Variants in ALK observed in about 807,000 individuals in gnomAD.
ALK encodes ALK receptor tyrosine kinase.
A neutral mutation model predicts 163.1 loss-of-function variants in ALK; 74 were observed. That is an observed-to-expected ratio of 0.45 (90% CI 0.38 to 0.55). The LOEUF (loss-of-function observed/expected upper bound fraction) is 0.55, where lower values mean the gene tolerates loss of function less well. ALK is among the 20% of genes least tolerant of loss of function. ALK has a pLI of 0.00. For synonymous variants in ALK, 960 were observed against 843.2 expected, an observed-to-expected ratio of 1.14 and a Z score of -2.40; for missense variants, 2,063 against 2,105.3, an observed-to-expected ratio of 0.98 and a Z score of 0.39.
rs199646095 is a variant in ALK, at chr2:29,193,441, C to A, written c.4646G>T (p.Arg1549Ile). The change falls in exon 29 of 29, where the codon AGA (arginine) becomes ATA (isoleucine). Residue 1549 changes from arginine (R) to isoleucine (I), a missense_variant. Arg to Ile is a moderately conservative substitution (Grantham distance 97). Transcript: ENST00000389048. ...TAGGAGCAGTGAGGCCCCCGGAAGTCTCCCAGTTGCAACGTTAGGTGGGAC... is the reference window on the plus strand; with the variant it reads ...TAGGAGCAGTGAGGCCCCCGGAAGTATCCCAGTTGCAACGTTAGGTGGGAC... The part of the protein sequence containing the change: ...CTVPPNVATG[R>I]LPGASLLLEP... 68 of 1,614,216 alleles carry A rather than the reference C, an allele frequency of 4.2e-5. No homozygotes were observed. In the Admixed American group the frequency reaches 5.7e-4, roughly 13 times the overall value.
intron 9 of ALK, among the ~76,000 whole-genome samples, chr2:29,282,932 T>C (rs1248488374): frequency 6.6e-6 from 1 of 152,222 alleles, no homozygotes. Context: ...CCACAGCAGA[T>C]GGAGACCCAT....
At chr2:29,355,258 T>G (rs1270975889) in intron 5 of ALK, among the ~76,000 whole-genome samples, 1 of 152,216 alleles carries the variant, frequency 6.6e-6, no homozygotes, top group Admixed American at 6.5e-5. Flanking sequence ...GAAGAAGGCA[T>G]GGTGGGCATC....
At chr2:29,261,613 G>T (rs72852073) in intron 11 of ALK, among the ~76,000 whole-genome samples, 4 of 152,064 alleles carry the variant, frequency 2.6e-5, no homozygotes, top group Non-Finnish European at 5.9e-5. Context: ...AGAACCTGCC[G>T]TTTCATTATG....
intron 1 of ALK, among the ~76,000 whole-genome samples, chr2:29,882,499 G>T (rs1666891240): frequency 6.6e-6 from 1 of 152,152 alleles, no homozygotes; most frequent in African/African-American, 2.4e-5. Context: ...ATCAAGACCA[G>T]CCTGGCCAAC....
intron 1 of ALK, among the ~76,000 whole-genome samples, chr2:29,916,443 G>T (rs1327928729): frequency 6.6e-6 from 1 of 152,060 alleles, no homozygotes; most frequent in Non-Finnish European, 1.5e-5. Context: ...TGTTAAATCA[G>T]CTCTCTGCTC....
In ALK at chr2:29,862,385, A is replaced by G. The variant is rs181358384; in HGVS notation, c.667+57608T>C. Among the ~76,000 whole-genome samples, 834 of 152,332 alleles carry G rather than the reference A, an allele frequency of 5.5e-3. 4 individuals are homozygous for G. Among genetic ancestry groups the G allele is most frequent in the Non-Finnish European group, 7.7e-3 (524 of 68,008 alleles). On this transcript the variant is annotated intron_variant, in intron 1 of 28. Transcript: ENST00000389048. ...ACTGTTGCAGATGACATCATCTGACATATGAAAACCCTAAAGATTCCACCA... is the reference window on the plus strand; with the variant it reads ...ACTGTTGCAGATGACATCATCTGACGTATGAAAACCCTAAAGATTCCACCA...
intron 1 of ALK, among the ~76,000 whole-genome samples, chr2:29,897,112 G>A (rs1667290998): frequency 6.6e-6 from 1 of 152,176 alleles, no homozygotes; most frequent in Non-Finnish European, 1.5e-5. Context: ...TTGAGGTCAA[G>A]AGTTCAAGAC....
chr2:29,384,235 T>C (rs1403143314), intron 4 of ALK, among the ~76,000 whole-genome samples: 1 of 152,204 alleles, frequency 6.6e-6, no homozygotes, highest in Non-Finnish European at 1.5e-5. Context: ...CTTCAAAACA[T>C]GTATCACTCT....
In ALK at chr2:29,328,381, A is replaced by G; in HGVS notation, c.1383T>C (p.Cys461=). 1 of 1,614,166 alleles carries G rather than the reference A, an allele frequency of 6.2e-7. No homozygotes were observed. Among genetic ancestry groups the G allele is most frequent in the Non-Finnish European group, 8.5e-7 (1 of 1,180,008 alleles). ...LGQACDFHQD[C]AQGEDESQMC... is the part of the protein sequence containing the mutation. ...TCTGGCTCTCATCTTCTCCCTGGGC[A>G]CAGTCCTGGTGGAAGTCACAGGCCT... Residue 461 remains cysteine (C), a synonymous_variant, in exon 6 of 29, where the codon TGT becomes TGC. Transcript: ENST00000389048.
rs936083545 is a variant in ALK at position 29,706,649 on chromosome 2, G to A, written c.787+10929C>T. ...CTCAGAGGGCAGTGTGTGTGCGCAC[G>A]TGCACATGTGCACACTGCAGTGGGA... On this transcript the variant is annotated intron_variant, in intron 2 of 28. Transcript: ENST00000389048. 3.3e-5 allele frequency among the ~76,000 whole-genome samples: 5 copies of A among 152,180 alleles called. No individual in the cohort carries two copies. In the East Asian group the frequency reaches 7.7e-4, roughly 23 times the overall value.
intron 10 of ALK, 58 bp from the exon 11 acceptor site, chr2:29,275,285 G>C: frequency 6.2e-7 from 1 of 1,612,020 alleles, no homozygotes; most frequent in East Asian, 2.2e-5. Flanking sequence ...CAGGGTGAGA[G>C]ATGATTTCAC....
intron 1 of ALK, among the ~76,000 whole-genome samples, chr2:29,788,889 T>C (rs1408035955): frequency 6.6e-6 from 1 of 152,208 alleles, no homozygotes; most frequent in African/African-American, 2.4e-5. Flanking sequence ...CCAATGTCAC[T>C]TTCTATATTG....
intron 1 of ALK, among the ~76,000 whole-genome samples, chr2:29,860,796 A>G (rs978279772): frequency 6.6e-6 from 1 of 152,246 alleles, no homozygotes; most frequent in Non-Finnish European, 1.5e-5. Flanking sequence ...AGAAATCAAA[A>G]GGGAAATTTA....
At chr2:29,553,870 T>C (rs943903325) in intron 3 of ALK, among the ~76,000 whole-genome samples, 1 of 151,964 alleles carries the variant, frequency 6.6e-6, no homozygotes, top group Non-Finnish European at 1.5e-5. Flanking sequence ...GAATTGTCTG[T>C]TTTTTTTGTT....
At chr2:29,360,821 T>C (rs1668369082) in intron 5 of ALK, among the ~76,000 whole-genome samples, 1 of 152,232 alleles carries the variant, frequency 6.6e-6, no homozygotes, top group Non-Finnish European at 1.5e-5. Context: ...TTGGTATTTA[T>C]CTATGAGGTT....
chr2:29,580,564 T>C (rs1674656931), intron 3 of ALK, among the ~76,000 whole-genome samples: 1 of 152,200 alleles, frequency 6.6e-6, no homozygotes, highest in African/African-American at 2.4e-5. Flanking sequence ...AGAGCCCCGT[T>C]ATTACAGTCC....
chr2:29,634,056 G>C (rs915333435), intron 3 of ALK, among the ~76,000 whole-genome samples: 8 of 151,818 alleles, frequency 5.3e-5, no homozygotes, highest in African/African-American at 1.9e-4. Flanking sequence ...ATATTTTAGA[G>C]AAAGAGTCTC....
intron 4 of ALK, among the ~76,000 whole-genome samples, chr2:29,479,156 C>G (rs1184266281): frequency 6.6e-6 from 1 of 152,090 alleles, no homozygotes; most frequent in Non-Finnish European, 1.5e-5. Context: ...ACTCAGGGTT[C>G]CCTGAACATC....
chr2:29,722,342 A>G (rs1679445726), intron 1 of ALK, among the ~76,000 whole-genome samples: 4 of 152,218 alleles, frequency 2.6e-5, no homozygotes, highest in African/African-American at 7.2e-5. Flanking sequence ...TTGCTGACCA[A>G]TGAAGATAAC....
Sources: gnomAD v4.1 joint callset for allele counts (sites outside exome capture counted in the v4.1 genomes callset) on GRCh38, gnomAD v4.1.1 for gene constraint, MANE v1.5 for transcripts, NCBI Gene and HGNC (gene_info 2026-07-23, HGNC 2026-07-21) for gene names.